Variants in SEMA3A observed in about 807,000 individuals in gnomAD.
The protein encoded by SEMA3A is semaphorin-3A.
SEMA3A carries 29 observed loss-of-function variants against 97.9 expected under a neutral mutation model. That is an observed-to-expected ratio of 0.30 (90% CI 0.22 to 0.40). SEMA3A has a LOEUF of 0.40. Ranked by LOEUF, SEMA3A falls within the 10% of genes least tolerant of loss-of-function variation. The probability of loss-of-function intolerance (pLI) is 1.00; values close to 1 mark genes in which losing one functional copy is unlikely to be tolerated. For synonymous variants in SEMA3A, 321 were observed against 323.7 expected, an observed-to-expected ratio of 0.99 and a Z score of 0.09; for missense variants, 763 against 951.3, an observed-to-expected ratio of 0.80 and a Z score of 2.60.
rs1201333688 is a variant in SEMA3A at position 84,143,716 on chromosome 7, G to A, written c.113-8765C>T. Among the ~76,000 whole-genome samples the A allele has an allele frequency of 4.0e-5, 6 of 151,460 alleles. No individual in the cohort carries two copies. In the South Asian group the frequency reaches 6.2e-4, roughly 16 times the overall value. On this transcript the variant is annotated intron_variant, in intron 1 of 16. Coordinates refer to ENST00000265362, the MANE Select transcript of SEMA3A (RefSeq NM_006080.3). ...ACTTAAAAAAAAAAAGTTGCTGTGC[G>A]TGCTTCAGGCTGAGCAGGGAGGATG...
At chr7:83,963,119 T>G in intron 16 of SEMA3A, 86 bp downstream of exon 16, 1 of 1,470,036 alleles carries the variant, frequency 6.8e-7, no homozygotes, top group Non-Finnish European at 9.4e-7. Flanking sequence ...TCTCAGTGCT[T>G]TTTCTTTCCT....
chr7:84,286,469 T>C (rs1236105726), intron 3 of SEMA3A, among the ~76,000 whole-genome samples: 1 of 152,126 alleles, frequency 6.6e-6, no homozygotes, highest in Admixed American at 6.6e-5. Context: ...CAAATATAAA[T>C]ATGAGTCTCT....
At chr7:84,310,120 T>A (rs1182534281) in intron 2 of SEMA3A, among the ~76,000 whole-genome samples, 1 of 152,122 alleles carries the variant, frequency 6.6e-6, no homozygotes, top group Non-Finnish European at 1.5e-5. Context: ...ATTTCAGGTA[T>A]CTCTATTCCA....
intron 5 of SEMA3A, among the ~76,000 whole-genome samples, chr7:84,049,269 G>C (rs1792491673): frequency 6.6e-6 from 1 of 152,066 alleles, no homozygotes; most frequent in African/African-American, 2.4e-5. Context: ...AGATGATTAA[G>C]TGGCCATGAA....
At chr7:84,420,355 A>T (rs1473559154) in intron 1 of SEMA3A, among the ~76,000 whole-genome samples, 1 of 152,094 alleles carries the variant, frequency 6.6e-6, no homozygotes, top group Admixed American at 6.6e-5. Context: ...TAGACACAAA[A>T]AATATTTTAA....
chr7:84,319,645 G>T (rs1801598689), intron 2 of SEMA3A, among the ~76,000 whole-genome samples: 1 of 151,988 alleles, frequency 6.6e-6, no homozygotes, highest in South Asian at 2.1e-4. Flanking sequence ...ACAAACCACA[G>T]TGGTATTAGC....
intron 6 of SEMA3A, among the ~76,000 whole-genome samples, chr7:84,029,956 G>A (rs759419819): frequency 5.9e-5 from 9 of 151,982 alleles, no homozygotes; most frequent in South Asian, 2.1e-4. Context: ...AAAGATGATC[G>A]TCTTTTTACA....
chr7:83,996,300 CTTTT>C (rs35148121), intron 12 of SEMA3A, among the ~76,000 whole-genome samples: 2 of 111,980 alleles, frequency 1.8e-5, no homozygotes, highest in Admixed American at 9.8e-5. Context: ...TACTAGTAAT[CTTTT>C]TTTTTTTTTT....
chr7:83,983,555 T>C (rs1048375861), intron 13 of SEMA3A, among the ~76,000 whole-genome samples: 11 of 152,074 alleles, frequency 7.2e-5, no homozygotes, highest in African/African-American at 2.2e-4. Flanking sequence ...AGAAATAGTA[T>C]GTGGAAAGAA....
At chr7:84,325,117 CTCTA>C (rs60907885) in intron 2 of SEMA3A, among the ~76,000 whole-genome samples, 27,275 of 148,958 alleles carry the variant, frequency 0.18, 2,626 homozygotes, top group Non-Finnish European at 0.2. Flanking sequence ...ATGTATATAT[CTCTA>C]TCTATCTATC....
At chr7:84,481,950 C>T (rs1307952208) in intron 1 of SEMA3A, among the ~76,000 whole-genome samples, 3 of 151,608 alleles carry the variant, frequency 2.0e-5, no homozygotes, top group Non-Finnish European at 4.4e-5. Flanking sequence ...TAAAAAGCAT[C>T]GTAAAAGTAA....
intron 2 of SEMA3A, among the ~76,000 whole-genome samples, chr7:84,354,028 T>C (rs1330324607): frequency 6.6e-6 from 1 of 151,644 alleles, no homozygotes; most frequent in Admixed American, 6.6e-5. Context: ...AAGCTTAATG[T>C]ACTGAAAAAA....
intron 1 of SEMA3A, among the ~76,000 whole-genome samples, chr7:84,162,210 T>C (rs926488199): frequency 2.0e-5 from 3 of 152,190 alleles, no homozygotes; most frequent in Non-Finnish European, 4.4e-5. Context: ...TGCCATTTAT[T>C]AGGCCTATTT....
At position 84,308,742 on chromosome 7, in the gene SEMA3A, G is replaced by A. The variant is rs548084789; in HGVS notation, c.-168-1450C>T. On this transcript the variant is annotated intron_variant, in intron 2 of 3. Transcript: ENST00000424555. ...GGAGAAATGGTATTGATCAGGAAGC[G>A]GCACTGAGGAGCAAAGAACATTATC... 3.3e-5 allele frequency among the ~76,000 whole-genome samples: 5 copies of A among 152,158 alleles called. No homozygotes were observed. The South Asian group carries it at 6.2e-4, about 19-fold the overall frequency.
In SEMA3A at chr7:84,318,416, G is replaced by A. The variant is rs367676133; in HGVS notation, c.-168-11124C>T. On this transcript the variant is annotated intron_variant, in intron 2 of 3. Coordinates refer to the SEMA3A transcript ENST00000424555. ...CGGCTCACTGCAAGCTCCGCCTCCC[G>A]GGTTCACGCCATTCTCCTGCCTCAG... 4.4e-3 allele frequency among the ~76,000 whole-genome samples: 602 copies of A among 136,446 alleles called. 5 individuals are homozygous for A. Among genetic ancestry groups the A allele is most frequent in the African/African-American group, 0.016 (575 of 36,720 alleles). 89.5% of individuals were successfully genotyped at this position (136,446 alleles called of 152,430 possible). A position where few individuals can be genotyped will look rare whatever the true frequency, so the allele number is the denominator to read the frequency against.
chr7:84,005,038 T>C (rs1460441620), intron 11 of SEMA3A, among the ~76,000 whole-genome samples: 1 of 152,178 alleles, frequency 6.6e-6, no homozygotes. Flanking sequence ...ATATATTTTC[T>C]CTTCCCTATA....
At chr7:84,098,699 T>C (rs1194709706) in intron 4 of SEMA3A, among the ~76,000 whole-genome samples, 1 of 152,124 alleles carries the variant, frequency 6.6e-6, no homozygotes, top group Non-Finnish European at 1.5e-5. Flanking sequence ...ATTCAAAGTT[T>C]TGAGTGTTTA....
chr7:84,360,039 A>T (rs1237778599), intron 2 of SEMA3A, among the ~76,000 whole-genome samples: 1 of 149,716 alleles, frequency 6.7e-6, no homozygotes, highest in African/African-American at 2.5e-5. Flanking sequence ...TTTCTTCTTT[A>T]TTAGTCTTGC....
intron 3 of SEMA3A, among the ~76,000 whole-genome samples, chr7:84,244,860 G>A (rs1799444972): frequency 6.6e-6 from 1 of 152,104 alleles, no homozygotes; most frequent in Non-Finnish European, 1.5e-5. Context: ...TAGTTTGGTT[G>A]GATATGAAAT....
Sources: gnomAD v4.1 joint callset for allele counts (sites outside exome capture counted in the v4.1 genomes callset) on GRCh38, gnomAD v4.1.1 for gene constraint, MANE v1.5 for transcripts, NCBI Gene and HGNC (gene_info 2026-07-23, HGNC 2026-07-21) for gene names.